Variants in GCNT4 observed in about 807,000 individuals in gnomAD.
The protein encoded by GCNT4 is glucosaminyl (N-acetyl) transferase 4, also known as beta-1,3-galactosyl-O-glycosyl-glycoprotein beta-1,6-N-acetylglucosaminyltransferase 4.
GCNT4 carries 17 observed loss-of-function variants against 31.3 expected under a neutral mutation model. The observed-to-expected ratio is 0.54, with a 90% confidence interval of 0.37 to 0.81. GCNT4 has a LOEUF of 0.81. GCNT4 is among the 40% of genes least tolerant of loss of function. GCNT4 has a pLI of 0.00. For synonymous variants in GCNT4, 158 were observed against 190.6 expected, an observed-to-expected ratio of 0.83 and a Z score of 1.41; for missense variants, 503 against 525.5, an observed-to-expected ratio of 0.96 and a Z score of 0.42.
At chr5:75,033,851 G>C (rs530601783) in intron 3 of GCNT4, among the ~76,000 whole-genome samples, 32 of 151,614 alleles carry the variant, frequency 2.1e-4, no homozygotes, top group South Asian at 1.0e-3. Flanking sequence ...CTCACCCCCC[G>C]ATAGGCCCCA....
intron 3 of GCNT4, among the ~76,000 whole-genome samples, chr5:75,033,418 C>T (rs1743119865): frequency 6.6e-6 from 1 of 152,102 alleles, no homozygotes; most frequent in South Asian, 2.1e-4. Flanking sequence ...GCTCAGGGGC[C>T]CACATCTGAG....
At chr5:75,044,679 C>T (rs1219223944) in intron 3 of GCNT4, among the ~76,000 whole-genome samples, 2 of 152,000 alleles carry the variant, frequency 1.3e-5, no homozygotes, top group Admixed American at 6.5e-5. Flanking sequence ...GTGCTGCATG[C>T]ACTCCCGCAC....
At chr5:75,045,989 A>G (rs1450201440) in intron 3 of GCNT4, among the ~76,000 whole-genome samples, 9 of 152,186 alleles carry the variant, frequency 5.9e-5, no homozygotes, top group African/African-American at 2.2e-4. Context: ...TGTTCAATTC[A>G]ATGAATGATG....
intron 3 of GCNT4, among the ~76,000 whole-genome samples, chr5:75,045,942 T>A (rs1743429132): frequency 6.6e-6 from 1 of 152,176 alleles, no homozygotes; most frequent in African/African-American, 2.4e-5. Flanking sequence ...GTTTTTTTTT[T>A]ACATTCAGGG....
At chr5:75,052,124 G>A (rs559193044) in intron 2 of GCNT4, 45 bp downstream of exon 2, 20 of 151,380 alleles carry the variant, frequency 1.3e-4, no homozygotes, top group African/African-American at 4.6e-4. Context: ...ATAGGGACAT[G>A]TTTTATGAAT....
the GCNT4 span, among the ~76,000 whole-genome samples, chr5:75,018,091 G>T: frequency 6.6e-6 from 1 of 152,078 alleles, no homozygotes; most frequent in African/African-American, 2.4e-5. Context: ...GCCCGTTAAA[G>T]TTTGTGAAGT....
At chr5:75,017,757 T>C in the GCNT4 span, among the ~76,000 whole-genome samples, 1 of 152,132 alleles carries the variant, frequency 6.6e-6, no homozygotes. Context: ...GCCAGGAATC[T>C]CTCTGCTGGC....
At chr5:75,033,105 T>C (rs1300437947) in intron 3 of GCNT4, among the ~76,000 whole-genome samples, 4 of 152,306 alleles carry the variant, frequency 2.6e-5, no homozygotes, top group East Asian at 1.9e-4. Flanking sequence ...AGACCTCACA[T>C]TCTAAAGAGA....
In GCNT4 at chr5:75,028,789, C is replaced by T. The variant is rs1280722623; in HGVS notation, c.1249G>A (p.Asp417Asn). ...GCCAAGCATTTAATCAAGATAGGGT[C>T]CACCTTAGAATCAAATTTATTAGCA... ...WFANKFDSKV[D>N]PILIKCLAEK... Residue 417 changes from aspartate to asparagine, a missense_variant, in exon 4 of 4, where the codon GAC becomes AAC. By Grantham distance (23) the Asp-to-Asn change is conservative. Transcript: ENST00000652361. The T allele has an allele frequency of 3.7e-6, 6 of 1,613,878 alleles. No homozygotes were observed. Among genetic ancestry groups the T allele is most frequent in the South Asian group, 1.1e-5 (1 of 91,084 alleles).
In GCNT4 at chr5:75,026,962, T is replaced by A. The variant is rs1259746020; in HGVS notation, c.*1714A>T. 1.3e-5 allele frequency: 2 copies of A among 152,078 alleles called. No individual in the cohort carries two copies. The highest frequency in any genetic ancestry group is 2.4e-5 in the African/African-American group (1 of 41,414). 9.4% of individuals were successfully genotyped at this position (152,078 alleles called of 1,614,324 possible). On this transcript the variant is annotated 3_prime_UTR_variant, in exon 4 of 4. Transcript: ENST00000652361. The stretch of plus-strand genomic sequence containing the variant: ...AAGTGGTGTCAGTTGGCAGTTAGTA[T>A]TATGAACTTTAAAATGAGCAAAGTG...
At chr5:75,044,807 T>C (rs574035496) in intron 3 of GCNT4, among the ~76,000 whole-genome samples, 1 of 152,144 alleles carries the variant, frequency 6.6e-6, no homozygotes, top group Admixed American at 6.5e-5. Flanking sequence ...AAGGGCCCAC[T>C]TGTACTATTT....
chr5:75,031,296 A>C (rs973513596), intron 3 of GCNT4, among the ~76,000 whole-genome samples: 2 of 152,040 alleles, frequency 1.3e-5, no homozygotes, highest in Non-Finnish European at 2.9e-5. Flanking sequence ...GGTCGTGAAC[A>C]CCTGGTCTCA....
rs1742959378 is a variant in GCNT4, at chr5:75,027,003, A to G, written c.*1673T>C. 1.3e-5 allele frequency: 2 copies of G among 151,972 alleles called. No homozygotes were observed. The highest frequency in any genetic ancestry group is 4.8e-5 in the African/African-American group (2 of 41,394). 9.4% of individuals were successfully genotyped at this position (151,972 alleles called of 1,614,324 possible). ...GAGCAAAGTGCATTTCACATTTAGA[A>G]CACAGACATTTAAAAAATATGTAAT... On this transcript the variant is annotated 3_prime_UTR_variant, in exon 4 of 4. Transcript: ENST00000652361.
chr5:75,047,360 T>C (rs1394397039), intron 3 of GCNT4, among the ~76,000 whole-genome samples: 1 of 152,234 alleles, frequency 6.6e-6, no homozygotes, highest in Non-Finnish European at 1.5e-5. Context: ...ATTTATTTAT[T>C]ATTGATTTGC....
At chr5:75,050,405 G>A (rs1743542440) in intron 2 of GCNT4, among the ~76,000 whole-genome samples, 1 of 152,064 alleles carries the variant, frequency 6.6e-6, no homozygotes, top group African/African-American at 2.4e-5. Flanking sequence ...ATATGTCTAA[G>A]GCTCCCTCAT....
At chr5:75,032,312 C>T (rs1743081144) in intron 3 of GCNT4, among the ~76,000 whole-genome samples, 1 of 152,164 alleles carries the variant, frequency 6.6e-6, no homozygotes, top group African/African-American at 2.4e-5. Flanking sequence ...CACCTCTTGC[C>T]CAAGCCTCAG....
rs920426606 is a variant in GCNT4 at position 75,027,166 on chromosome 5, A to G, written c.*1510T>C. 2 of 149,904 alleles carry G rather than the reference A, an allele frequency of 1.3e-5. No homozygotes were observed. The highest frequency in any genetic ancestry group is 4.9e-5 in the African/African-American group (2 of 40,818). 9.3% of individuals were successfully genotyped at this position (149,904 alleles called of 1,614,324 possible). On this transcript the variant is annotated 3_prime_UTR_variant, in exon 4 of 4. Coordinates refer to ENST00000652361, the MANE Select transcript of GCNT4 (RefSeq NM_001366737.1). ...AAGAAATTTTTACATGAGTTCTACA[A>G]TTTCCCAAGAGACTGGTGAAAATGT...
intron 3 of GCNT4, chr5:75,030,833 T>A (rs1223691642): frequency 6.6e-5 from 11 of 166,574 alleles, no homozygotes; most frequent in Non-Finnish European, 1.6e-4. Context: ...CACAAAGAGG[T>A]TCCCTACAGT....
chr5:75,019,029 A>C, the GCNT4 span, among the ~76,000 whole-genome samples: 6 of 152,142 alleles, frequency 3.9e-5, no homozygotes, highest in Admixed American at 3.9e-4. Flanking sequence ...ACAAGATCTC[A>C]GTACTTTGTT....
Sources: allele counts gnomAD v4.1 joint callset (sites outside exome capture counted in the v4.1 genomes callset), GRCh38; gene constraint gnomAD v4.1.1; transcripts MANE v1.5; gene names NCBI Gene and HGNC (gene_info 2026-07-23, HGNC 2026-07-21).